Variants in HIGD1A observed in about 807,000 individuals in gnomAD.
The protein encoded by HIGD1A is HIG1 hypoxia inducible domain family member 1A, also known as HIG1 domain family member 1A, mitochondrial.
Under a neutral mutation model 11.3 loss-of-function variants are expected in HIGD1A, and 8 were observed. The ratio of observed to expected loss-of-function variants is 0.71; its 90% CI spans 0.42 to 1.28. HIGD1A has a LOEUF of 1.28. HIGD1A is among the 50% of genes most tolerant of loss of function. HIGD1A has a pLI of 0.01. For missense variants in HIGD1A, 107 were observed against 118.8 expected, an observed-to-expected ratio of 0.90 and a Z score of 0.46; for synonymous variants, 32 against 38.4, an observed-to-expected ratio of 0.83 and a Z score of 0.62.
chr3:42,800,848 T>C (rs73077220), intron 1 of HIGD1A, among the ~76,000 whole-genome samples: 26,738 of 151,922 alleles, frequency 0.18, 2,724 homozygotes, highest in Non-Finnish European at 0.23. Context: ...AAAAAAAGTA[T>C]CTCCGTTTAT....
chr3:42,791,491 AATG>A (rs1700421293), intron 2 of HIGD1A, among the ~76,000 whole-genome samples: 1 of 152,220 alleles, frequency 6.6e-6, no homozygotes, highest in South Asian at 2.1e-4. Context: ...ATGCTCAAAG[AATG>A]ATAATATCTA....
At position 42,783,729 on chromosome 3, in the gene HIGD1A, T is replaced by C. The variant is rs1700310206; in HGVS notation, c.*1542A>G. ...GGAAGAAATATGCTAGGCTTAAATA[T>C]TGCTCAAAAGGAATTATTGGTGACT... On this transcript the variant is annotated 3_prime_UTR_variant, in exon 4 of 4. Coordinates refer to ENST00000321331, the MANE Select transcript of HIGD1A (RefSeq NM_014056.4). Among the ~76,000 whole-genome samples, 1 of 152,104 alleles carries C rather than the reference T, an allele frequency of 6.6e-6. No individual in the cohort carries two copies. The highest frequency in any genetic ancestry group is 2.4e-5 in the African/African-American group (1 of 41,418).
intron 1 of HIGD1A, among the ~76,000 whole-genome samples, chr3:42,794,838 T>C (rs1700474762): frequency 6.6e-6 from 1 of 152,238 alleles, no homozygotes; most frequent in Admixed American, 6.5e-5. Context: ...CTGTTATCCA[T>C]GGTGGTTGCC....
At chr3:42,787,594 A>AAAAAAAAAAAAAAT (rs1383516264) in intron 2 of HIGD1A, among the ~76,000 whole-genome samples, 1 of 141,252 alleles carries the variant, frequency 7.1e-6, no homozygotes, top group Non-Finnish European at 1.5e-5. Context: ...CCATCTCAAA[A>AAAAAAAAAAAAAAT]ATATATATAT....
intron 1 of HIGD1A, 134 bp from the exon 2 acceptor site, chr3:42,794,409 T>C (rs916941280): frequency 1.3e-5 from 11 of 839,950 alleles, no homozygotes; most frequent in African/African-American, 1.3e-4. Flanking sequence ...AGTTAAAAAA[T>C]ATTTTTAGAA....
chr3:42,785,192 A>G lies in HIGD1A; in HGVS notation c.*79T>C. The G allele has an allele frequency of 1.8e-6, 2 of 1,117,552 alleles. No homozygotes were observed. The highest frequency in any genetic ancestry group is 2.7e-6 in the Non-Finnish European group (2 of 752,092). The allele number at this position is 1,117,552 out of a possible 1,614,324, so 69.2% of individuals were successfully genotyped here. On this transcript the variant is annotated 3_prime_UTR_variant, in exon 4 of 4. Coordinates refer to ENST00000321331, the MANE Select transcript of HIGD1A (RefSeq NM_014056.4). ...ACCCATACAAATTAGTTTATTTCCA[A>G]CAATAATAGGTAACTTTAATAATAA...
Position 42,784,740 on chromosome 3 carries a change from C to T in HIGD1A, c.*531G>A, listed in dbSNP as rs1295233556. On this transcript the variant is annotated 3_prime_UTR_variant, in exon 4 of 4. Transcript: ENST00000321331. ...CTATTATGCAGCTCTATTGTTTAAG[C>T]TTTCTGGATTTGGTTTAAACACATG... 3.3e-5 allele frequency: 5 copies of T among 152,696 alleles called. No homozygotes were observed. Among genetic ancestry groups the T allele is most frequent in the Admixed American group, 6.5e-5 (1 of 15,274 alleles). The allele number at this position is 152,696 out of a possible 1,614,324, so 9.5% of individuals were successfully genotyped here. A position where few individuals can be genotyped will look rare whatever the true frequency, so the allele number is the denominator to read the frequency against.
chr3:42,803,325 A>AT lies in HIGD1A; in HGVS notation c.-23+1110dup, dbSNP rs755189890. 2.6e-5 allele frequency among the ~76,000 whole-genome samples: 4 copies of AT among 152,212 alleles called. 1 individual carries two copies. The South Asian group carries it at 8.3e-4, about 31-fold the overall frequency. ...GAATGAAGGATCTTTCTTCACAGTCATTTTGTCACGGGAATTACTATCTAA... is the reference window on the plus strand; with the variant it reads ...GAATGAAGGATCTTTCTTCACAGTCATTTTTGTCACGGGAATTACTATCTAA... On this transcript the variant is annotated intron_variant, in intron 1 of 3. Transcript: ENST00000321331.
At chr3:42,803,897 G>A (rs1700602598) in intron 1 of HIGD1A, among the ~76,000 whole-genome samples, 1 of 152,110 alleles carries the variant, frequency 6.6e-6, no homozygotes. Context: ...AGAAAAGCAA[G>A]ACCAGGACTG....
Position 42,794,202 on chromosome 3 carries a change from A to T in HIGD1A, c.52T>A (p.Ser18Thr). The change falls in exon 2 of 4, where the codon TCA becomes ACA. Residue 18 changes from serine (S) to threonine (T), a missense_variant. Physicochemically the swap from Ser to Thr is moderately conservative, Grantham distance 58. Transcript: ENST00000321331. Reference protein sequence around the residue: ...SLPSYEEDQGSKLIRKAKEAP... With the variant: ...SLPSYEEDQGTKLIRKAKEAP... ...TCTTTAGCTTTTCGAATGAGTTTTG[A>T]TCCCTGATCTTCCTCATATGAAGGA... 6.2e-7 allele frequency: 1 copy of T among 1,605,716 alleles called. No individual in the cohort carries two copies. The highest frequency in any genetic ancestry group is 8.5e-7 in the Non-Finnish European group (1 of 1,177,664).
chr3:42,803,127 A>G (rs1393430664), intron 1 of HIGD1A, among the ~76,000 whole-genome samples: 1 of 152,206 alleles, frequency 6.6e-6, no homozygotes, highest in African/African-American at 2.4e-5. Flanking sequence ...TTTCTGTCAG[A>G]AAGTTGAATA....
At chr3:42,796,359 G>T (rs1700498469) in intron 1 of HIGD1A, among the ~76,000 whole-genome samples, 1 of 151,632 alleles carries the variant, frequency 6.6e-6, no homozygotes, top group Non-Finnish European at 1.5e-5. Flanking sequence ...TAAGCTCAAG[G>T]TTCAAGATAC....
intron 1 of HIGD1A, among the ~76,000 whole-genome samples, chr3:42,801,777 C>CT (rs1482128758): frequency 6.6e-6 from 1 of 152,206 alleles, no homozygotes; most frequent in African/African-American, 2.4e-5. Context: ...CTTTTAAAAA[C>CT]TAAAAACTTC....
At chr3:42,804,136 A>T in intron 1 of HIGD1A, 1 of 1,598,682 alleles carries the variant, frequency 6.3e-7, no homozygotes, top group Non-Finnish European at 8.5e-7. Context: ...TCTCATTACC[A>T]CCCCATCAGC....
chr3:42,785,493 A>C (rs889843562), intron 3 of HIGD1A, among the ~76,000 whole-genome samples, 173 bp from the exon 4 acceptor site: 1 of 152,210 alleles, frequency 6.6e-6, no homozygotes, highest in African/African-American at 2.4e-5. Flanking sequence ...TTAAATCTCT[A>C]AAACTCTTGT....
chr3:42,802,571 G>A (rs1216387427), intron 1 of HIGD1A, among the ~76,000 whole-genome samples: 1 of 152,128 alleles, frequency 6.6e-6, no homozygotes, highest in Non-Finnish European at 1.5e-5. Context: ...TAATTACCAC[G>A]TAGAAGTTTC....
chr3:42,786,299 T>G, intron 2 of HIGD1A, 137 bp from the exon 3 acceptor site: 1 of 1,034,140 alleles, frequency 9.7e-7, no homozygotes, highest in Admixed American at 3.1e-5. Flanking sequence ...AAATTGAGTT[T>G]TTCATGTTTT....
chr3:42,801,602 T>C (rs1700563193), intron 1 of HIGD1A, among the ~76,000 whole-genome samples: 1 of 152,170 alleles, frequency 6.6e-6, no homozygotes, highest in African/African-American at 2.4e-5. Flanking sequence ...AAAATAACAA[T>C]CATACAGATT....
At chr3:42,793,967 T>A (rs1375251759) in intron 2 of HIGD1A, among the ~76,000 whole-genome samples, 190 bp downstream of exon 2, 1 of 151,770 alleles carries the variant, frequency 6.6e-6, no homozygotes, top group African/African-American at 2.4e-5. Flanking sequence ...AGAGACCCTG[T>A]CTCCAAAAAG....
Sources: gnomAD v4.1 joint callset for allele counts (sites outside exome capture counted in the v4.1 genomes callset) on GRCh38, gnomAD v4.1.1 for gene constraint, MANE v1.5 for transcripts, NCBI Gene and HGNC (gene_info 2026-07-23, HGNC 2026-07-21) for gene names.